Variants in TTC29 observed in about 807,000 individuals in gnomAD.
The protein encoded by TTC29 is tetratricopeptide repeat protein 29.
A neutral mutation model predicts 58.1 loss-of-function variants in TTC29; 49 were observed. The observed-to-expected ratio is 0.84, with a 90% CI of 0.67 to 1.07. The LOEUF (loss-of-function observed/expected upper bound fraction) is 1.07. TTC29 is among the 50% of genes least tolerant of loss of function. TTC29 has a pLI of 0.00. For synonymous variants in TTC29, 209 were observed against 196.8 expected, an observed-to-expected ratio of 1.06 and a Z score of -0.52; for missense variants, 582 against 555.6, an observed-to-expected ratio of 1.05 and a Z score of -0.48.
intron 4 of TTC29, among the ~76,000 whole-genome samples, chr4:146,931,999 T>C (rs1385688547): frequency 1.3e-5 from 2 of 152,174 alleles, no homozygotes; most frequent in African/African-American, 4.8e-5. Flanking sequence ...CTTTTTCTTC[T>C]TCTTCCCTTC....
intron 6 of TTC29, among the ~76,000 whole-genome samples, chr4:146,881,953 CTCTT>C (rs1357861120): frequency 6.6e-6 from 1 of 152,100 alleles, no homozygotes; most frequent in Non-Finnish European, 1.5e-5. Context: ...ACGGAATCCT[CTCTT>C]TGTCATTTGG....
At chr4:146,939,651 T>C (rs1736175968) in intron 3 of TTC29, among the ~76,000 whole-genome samples, 153 bp downstream of exon 3, 1 of 152,200 alleles carries the variant, frequency 6.6e-6, no homozygotes, top group Non-Finnish European at 1.5e-5. Flanking sequence ...GGTTCATAAA[T>C]CCTTTTGAAA....
chr4:146,941,762 T>G (rs1736419385), intron 2 of TTC29, among the ~76,000 whole-genome samples: 1 of 152,180 alleles, frequency 6.6e-6, no homozygotes, highest in Admixed American at 6.5e-5. Flanking sequence ...TGACACGATC[T>G]GACTTGCATC....
chr4:146,783,391 C>A (rs1281857210), intron 11 of TTC29, among the ~76,000 whole-genome samples: 2 of 151,682 alleles, frequency 1.3e-5, no homozygotes, highest in African/African-American at 4.8e-5. Context: ...TCAACTTAGC[C>A]TCTCTCTCAG....
At chr4:146,801,342 C>T (rs1409512126) in intron 11 of TTC29, among the ~76,000 whole-genome samples, 2 of 152,128 alleles carry the variant, frequency 1.3e-5, no homozygotes, top group Non-Finnish European at 2.9e-5. Context: ...AGGGCTACCC[C>T]TGAAAATGTT....
chr4:146,924,459 C>T (rs1327529617), intron 4 of TTC29, among the ~76,000 whole-genome samples: 1 of 151,782 alleles, frequency 6.6e-6, no homozygotes, highest in Non-Finnish European at 1.5e-5. Flanking sequence ...CTTCTGTTAT[C>T]TGTTTCTATG....
chr4:146,708,601 T>C lies in TTC29; in HGVS notation c.1331-1050A>G, dbSNP rs1742240493. 2.0e-5 allele frequency among the ~76,000 whole-genome samples: 3 copies of C among 151,376 alleles called. No individual in the cohort carries two copies. The Admixed American group carries it at 2.0e-4, about 10-fold the overall frequency. ...TTCATATCTGGCCTTTTACTTTTGA[T>C]TTCAATTAACTGGGATTAATCTAAT... On this transcript the variant is annotated intron_variant, in intron 11 of 12. Coordinates refer to ENST00000325106, the MANE Select transcript of TTC29 (RefSeq NM_031956.4).
rs570580209 is a variant in TTC29 at position 146,807,586 on chromosome 4, C to CTA, written c.1102-3903_1102-3902dup. 1.5e-3 allele frequency among the ~76,000 whole-genome samples: 225 copies of CTA among 152,248 alleles called. 1 individual carries two copies. Among genetic ancestry groups the CTA allele is most frequent in the African/African-American group, 5.2e-3 (216 of 41,556 alleles). On this transcript the variant is annotated intron_variant, in intron 10 of 12. Coordinates refer to ENST00000325106, the MANE Select transcript of TTC29 (RefSeq NM_031956.4). ...ACTACTGATCTCACAGAAATACAAA[C>CTA]TACCATCAGAGAATACTATAAATAC...
At chr4:146,852,960 A>C (rs1039700937) in intron 8 of TTC29, among the ~76,000 whole-genome samples, 1 of 152,040 alleles carries the variant, frequency 6.6e-6, no homozygotes, top group Non-Finnish European at 1.5e-5. Flanking sequence ...TTACTTGTTA[A>C]GCATTTAATA....
intron 8 of TTC29, among the ~76,000 whole-genome samples, chr4:146,849,239 C>G (rs1729365151): frequency 6.6e-6 from 1 of 152,140 alleles, no homozygotes; most frequent in Non-Finnish European, 1.5e-5. Flanking sequence ...TATTAATATT[C>G]CCATTGTATA....
At chr4:146,817,919 C>T (rs1016016703) in intron 10 of TTC29, among the ~76,000 whole-genome samples, 10 of 152,050 alleles carry the variant, frequency 6.6e-5, no homozygotes, top group African/African-American at 9.7e-5. Flanking sequence ...TTACACCTTA[C>T]ACAAAAATTA....
At chr4:146,831,309 G>A (rs959516403) in intron 9 of TTC29, among the ~76,000 whole-genome samples, 11 of 152,082 alleles carry the variant, frequency 7.2e-5, no homozygotes, top group African/African-American at 2.2e-4. Context: ...ATGTGGCCCA[G>A]GCTGGTCTCA....
chr4:146,808,175 G>A (rs1016622486), intron 10 of TTC29, among the ~76,000 whole-genome samples: 1 of 152,026 alleles, frequency 6.6e-6, no homozygotes, highest in Non-Finnish European at 1.5e-5. Flanking sequence ...AAAGGCCTTC[G>A]ATAAAATTAA....
chr4:146,774,846 G>T (rs552829661), intron 11 of TTC29, among the ~76,000 whole-genome samples: 141 of 152,246 alleles, frequency 9.3e-4, no homozygotes, highest in African/African-American at 3.1e-3. Context: ...TGTCAGTGGG[G>T]TGTCAATGTC....
rs541679688 is a variant in TTC29, at chr4:146,847,338, A to G, written c.886-13441T>C. On this transcript the variant is annotated intron_variant, in intron 8 of 12. Transcript: ENST00000325106. ...CCAGTAGAGTTTTGGCCTGACAATA[A>G]ACAACAGTTTAGTACTTTATCTAAT... 2.0e-5 allele frequency among the ~76,000 whole-genome samples: 3 copies of G among 152,304 alleles called. No homozygotes were observed. The East Asian group carries it at 5.8e-4, about 29-fold the overall frequency.
At chr4:146,760,284 T>A (rs184319245) in intron 11 of TTC29, among the ~76,000 whole-genome samples, 1 of 151,812 alleles carries the variant, frequency 6.6e-6, no homozygotes, top group Non-Finnish European at 1.5e-5. Flanking sequence ...AAAGAAATCA[T>A]AGATGATACA....
At chr4:146,813,472 G>T (rs1012970510) in intron 10 of TTC29, among the ~76,000 whole-genome samples, 5 of 152,170 alleles carry the variant, frequency 3.3e-5, no homozygotes, top group Non-Finnish European at 7.3e-5. Flanking sequence ...TTTTTAAGAT[G>T]TGCTAATTCT....
intron 4 of TTC29, among the ~76,000 whole-genome samples, chr4:146,922,012 C>CAAAAAAAAAAA (rs34167190): frequency 9.3e-6 from 1 of 107,432 alleles, no homozygotes; most frequent in Non-Finnish European, 1.8e-5. Context: ...GGATCCCCTA[C>CAAAAAAAAAAA]AAAAAAAAAA....
chr4:146,710,388 A>G (rs1326120854), intron 11 of TTC29, among the ~76,000 whole-genome samples: 2 of 152,200 alleles, frequency 1.3e-5, no homozygotes, highest in Non-Finnish European at 1.5e-5. Context: ...AAATGTCACT[A>G]GTACATAGGA....
Sources: allele counts gnomAD v4.1 joint callset (sites outside exome capture counted in the v4.1 genomes callset), GRCh38; gene constraint gnomAD v4.1.1; transcripts MANE v1.5; gene names NCBI Gene and HGNC (gene_info 2026-07-23, HGNC 2026-07-21).